Variants in NOM1 observed in about 807,000 individuals in gnomAD.
The protein encoded by NOM1 is nucleolar protein with MIF4G domain 1.
In NOM1, 58 loss-of-function variants were observed where a neutral mutation model predicts 73.3. The ratio of observed to expected loss-of-function variants is 0.79; its 90% confidence interval spans 0.64 to 0.99. NOM1 has a LOEUF of 0.99. NOM1 is among the 50% of genes least tolerant of loss of function. The probability of loss-of-function intolerance (pLI) is 0.00; values close to 1 mark genes in which losing one functional copy is unlikely to be tolerated. For missense variants in NOM1, 1,226 were observed against 1,131.9 expected (o/e 1.08, Z -1.19); for synonymous variants, 487 against 446.8 (o/e 1.09, Z -1.14).
chr7:156,953,533 C>T (rs1371707745), intron 2 of NOM1, among the ~76,000 whole-genome samples: 2 of 152,170 alleles, frequency 1.3e-5, no homozygotes, highest in African/African-American at 4.8e-5. Context: ...TCACCCACCC[C>T]CTTCCCCCTT....
In NOM1 at chr7:156,956,731, A is replaced by G. The variant is rs972108198; in HGVS notation, c.1308+2433A>G. Among the ~76,000 whole-genome samples, 13 of 152,224 alleles carry G rather than the reference A, an allele frequency of 8.5e-5. No individual in the cohort carries two copies. The East Asian group carries it at 1.5e-3, about 18-fold the overall frequency. On this transcript the variant is annotated intron_variant, in intron 3 of 10. Transcript: ENST00000275820. ...GAAAATCTGCACCAGCTGCTTTGGG[A>G]ACCCTCTTGTTATTTTTTATTTCTA...
chr7:156,968,985 A>G, intron 9 of NOM1, 102 bp from the exon 10 acceptor site: 2 of 688,400 alleles, frequency 2.9e-6, no homozygotes, highest in Non-Finnish European at 2.6e-6. Flanking sequence ...GAGTGGGGGA[A>G]GGGGGGAGAT....
At chr7:156,962,032 C>T (rs1804875962) in intron 4 of NOM1, 119 bp from the exon 5 acceptor site, 3 of 774,840 alleles carry the variant, frequency 3.9e-6, no homozygotes, top group Admixed American at 1.9e-5. Context: ...GCTGTCCTGA[C>T]TTTGTATCGT....
At position 156,967,018 on chromosome 7, in the gene NOM1, A is replaced by G. The variant is rs1164001666; in HGVS notation, c.2224A>G (p.Thr742Ala). 1 of 1,613,888 alleles carries G rather than the reference A, an allele frequency of 6.2e-7. No homozygotes were observed. Among genetic ancestry groups the G allele is most frequent in the South Asian group, 1.1e-5 (1 of 91,034 alleles). The change falls in exon 9 of 11, where the codon ACG becomes GCG. Residue 742 changes from threonine to alanine, a missense_variant. Thr to Ala is a moderately conservative substitution (Grantham distance 58). Coordinates refer to ENST00000275820, the MANE Select transcript of NOM1 (RefSeq NM_138400.2). ...KFRDLENLPA[T>A]NFSNLVHLVA... Reference sequence around the variant, plus strand: ...TCGGGACTTGGAAAACTTGCCAGCTACGAATTTCTCTAATTTGGTTCATCT... The same window carrying G: ...TCGGGACTTGGAAAACTTGCCAGCTGCGAATTTCTCTAATTTGGTTCATCT...
At chr7:156,961,377 T>A (rs1804860324) in intron 4 of NOM1, among the ~76,000 whole-genome samples, 1 of 151,986 alleles carries the variant, frequency 6.6e-6, no homozygotes, top group Non-Finnish European at 1.5e-5. Flanking sequence ...GAGAAGCCAG[T>A]CTGAAGAGGA....
rs1182089368 is a variant in NOM1 at position 156,960,118 on chromosome 7, A to C, written c.1576A>C (p.Thr526Pro). ...DDALSLKELI[T>P]EAQTKASGAG... ...TGCTTTATCACTTAAGGAATTGATC[A>C]CTGAAGCCCAGACCAAAGCCAGCGG... The change falls in exon 4 of 11, where the codon ACT becomes CCT. Residue 526 changes from threonine (T) to proline (P), a missense_variant. Coordinates refer to ENST00000275820, the MANE Select transcript of NOM1 (RefSeq NM_138400.2). 3 of 1,614,092 alleles carry C rather than the reference A, an allele frequency of 1.9e-6. No homozygotes were observed. The highest frequency in any genetic ancestry group is 2.5e-6 in the Non-Finnish European group (3 of 1,180,004).
chr7:156,960,354 A>G lies in NOM1; in HGVS notation c.1632+180A>G, dbSNP rs1804833861. ...TGGACCTTATTCCTTTACCAGAAAA[A>G]TATTTTGTGAATTTAAAAACTGATT... On this transcript the variant is annotated intron_variant, in intron 4 of 10. Coordinates refer to ENST00000275820, the MANE Select transcript of NOM1 (RefSeq NM_138400.2). The G allele has an allele frequency of 6.8e-6, 4 of 584,562 alleles. No individual in the cohort carries two copies. In the Admixed American group the frequency reaches 1.4e-4, roughly 21 times the overall value. 36.2% of individuals were successfully genotyped at this position (584,562 alleles called of 1,614,324 possible). A position where few individuals can be genotyped will look rare whatever the true frequency, so the allele number is the denominator to read the frequency against.
chr7:156,952,332 TC>T, intron 1 of NOM1, 141 bp from the exon 2 acceptor site: 1 of 830,622 alleles, frequency 1.2e-6, no homozygotes, highest in Non-Finnish European at 1.9e-6. Context: ...ACTCAATAAA[TC>T]TGATGTATTT....
rs1804545328 is a variant in NOM1, at chr7:156,950,173, C to T, written c.436C>T (p.Pro146Ser). 6.2e-7 allele frequency: 1 copy of T among 1,602,304 alleles called. No homozygotes were observed. The highest frequency in any genetic ancestry group is 8.5e-7 in the Non-Finnish European group (1 of 1,177,066). Residue 146 changes from proline to serine, a missense_variant, in exon 1 of 11, where the codon CCG becomes TCG. Physicochemically the swap from Pro to Ser is moderately conservative, Grantham distance 74 (BLOSUM62 -1). Transcript: ENST00000275820. ...RDPSPPRKPR[P>S]SRVKAKATAA... The stretch of plus-strand genomic sequence containing the variant: ...CCCCTCGCCTCCCAGGAAGCCGCGG[C>T]CGTCCCGGGTCAAGGCCAAGGCCAC...
At position 156,950,418 on chromosome 7, in the gene NOM1, A is replaced by G. The variant is rs1233006969; in HGVS notation, c.681A>G (p.Lys227=). The change falls in exon 1 of 11, where the codon AAA becomes AAG. Residue 227 remains lysine, a synonymous_variant. Coordinates refer to ENST00000275820, the MANE Select transcript of NOM1 (RefSeq NM_138400.2). ...DYILGALESG[K]NSGLYDSSGE... ...TTCTGGGAGCCCTGGAGTCTGGGAA[A>G]AATAGCGGCTTGTACGACAGCAGTG... 3 of 1,614,220 alleles carry G rather than the reference A, an allele frequency of 1.9e-6. No homozygotes were observed. The highest frequency in any genetic ancestry group is 2.2e-5 in the East Asian group (1 of 44,890).
At chr7:156,956,556 C>A (rs2134778644) in intron 3 of NOM1, among the ~76,000 whole-genome samples, 1 of 152,294 alleles carries the variant, frequency 6.6e-6, no homozygotes, top group African/African-American at 2.4e-5. Context: ...ATGTTCTGAT[C>A]CACATTTTTC....
intron 3 of NOM1, among the ~76,000 whole-genome samples, chr7:156,957,823 A>G (rs528101806): frequency 6.7e-6 from 1 of 149,698 alleles, no homozygotes; most frequent in South Asian, 2.2e-4. Context: ...ATACATGAAT[A>G]TGTTTTATGC....
At chr7:156,963,485 G>C in intron 6 of NOM1, 1 of 468,984 alleles carries the variant, frequency 2.1e-6, no homozygotes, top group South Asian at 2.2e-5. Flanking sequence ...TGCCCCCCGG[G>C]CTGTGCATTC....
intron 3 of NOM1, 57 bp downstream of exon 3, chr7:156,954,355 T>C (rs1804667340): frequency 1.4e-6 from 2 of 1,422,242 alleles, no homozygotes; most frequent in Non-Finnish European, 9.5e-7. Flanking sequence ...ATTATTTTAA[T>C]GATAGGCTTG....
intron 1 of NOM1, among the ~76,000 whole-genome samples, chr7:156,951,296 G>C (rs532683606): frequency 2.0e-5 from 3 of 152,172 alleles, no homozygotes; most frequent in Non-Finnish European, 4.4e-5. Flanking sequence ...TACTTGGGAA[G>C]CTGAGGCTTG....
intron 7 of NOM1, among the ~76,000 whole-genome samples, chr7:156,964,582 A>G (rs1804949625): frequency 6.6e-6 from 1 of 151,158 alleles, no homozygotes; most frequent in South Asian, 2.1e-4. Context: ...CATCTCATTT[A>G]AAAAGAAAAA....
At chr7:156,966,188 G>C in intron 7 of NOM1, 82 bp from the exon 8 acceptor site, 1 of 1,555,836 alleles carries the variant, frequency 6.4e-7, no homozygotes, top group Non-Finnish European at 8.7e-7. Context: ...CTTCCAGGCG[G>C]GAAGATGTTC....
In NOM1 at chr7:156,972,424, T is replaced by C. The variant is rs1404834264; in HGVS notation, c.*2721T>C. ...TCTATAAACAATCCCATTTTTATAT[T>C]TTATTATTAAAACAAAAATACCTCT... is the stretch of plus-strand genomic sequence containing the variant. On this transcript the variant is annotated 3_prime_UTR_variant, in exon 11 of 11. Coordinates refer to ENST00000275820, the MANE Select transcript of NOM1 (RefSeq NM_138400.2). 6.6e-6 allele frequency: 1 copy of C among 151,522 alleles called. No homozygotes were observed. Among genetic ancestry groups the C allele is most frequent in the Non-Finnish European group, 1.5e-5 (1 of 67,934 alleles). The allele number at this position is 151,522 out of a possible 1,614,324, so 9.4% of individuals were successfully genotyped here.
Position 156,949,773 on chromosome 7 carries a change from G to A in NOM1, c.36G>A (p.Pro12=). 3 of 1,403,626 alleles carry A rather than the reference G, an allele frequency of 2.1e-6. No homozygotes were observed. Among genetic ancestry groups the A allele is most frequent in the Non-Finnish European group, 2.8e-6 (3 of 1,084,158 alleles). 86.9% of individuals were successfully genotyped at this position (1,403,626 alleles called of 1,614,324 possible). A position where few individuals can be genotyped will look rare whatever the true frequency, so the allele number is the denominator to read the frequency against. Reference sequence around the variant, plus strand: ...CCAGGAGCGCGGGAGAGGCCGGCCCGGGCGGCTCCCAGGGACGCGTGGTCC... The same window carrying A: ...CCAGGAGCGCGGGAGAGGCCGGCCCAGGCGGCTCCCAGGGACGCGTGGTCC... The part of the protein sequence containing the change: ...AASRSAGEAG[P]GGSQGRVVRM... Residue 12 remains proline, a synonymous_variant, in exon 1 of 11, where the codon CCG becomes CCA. Transcript: ENST00000275820.
Sources: gnomAD v4.1 joint callset for allele counts (sites outside exome capture counted in the v4.1 genomes callset) on GRCh38, gnomAD v4.1.1 for gene constraint, MANE v1.5 for transcripts, NCBI Gene and HGNC (gene_info 2026-07-23, HGNC 2026-07-21) for gene names.